ABCC5: variants seen among roughly 807,000 people sequenced by gnomAD.
The protein encoded by ABCC5 is ATP-binding cassette sub-family C member 5.
Under a neutral mutation model 160.9 loss-of-function variants are expected in ABCC5, and 61 were observed. The observed-to-expected ratio is 0.38, with a 90% CI of 0.31 to 0.47. ABCC5 has a LOEUF of 0.47. ABCC5 is among the 20% of genes least tolerant of loss of function. ABCC5 has a pLI of 0.99. For missense variants in ABCC5, 1,308 were observed against 1,813.3 expected, an observed-to-expected ratio of 0.72 and a Z score of 5.06; for synonymous variants, 666 against 700.6, an observed-to-expected ratio of 0.95 and a Z score of 0.78.
rs555686299 is a variant in ABCC5, at chr3:183,999,080, ACT to A, written c.130-9699_130-9698del. 3.1e-3 allele frequency among the ~76,000 whole-genome samples: 427 copies of A among 138,724 alleles called. 2 individuals are homozygous for A. Among genetic ancestry groups the A allele is most frequent in the Middle Eastern group, 0.014 (4 of 278 alleles). 91.0% of individuals were successfully genotyped at this position (138,724 alleles called of 152,430 possible). On this transcript the variant is annotated intron_variant, in intron 2 of 29. Transcript: ENST00000334444. ...ACCGCAGCCTGTGTGACAGAGGGAG[ACT>A]CTGTCTCAAAAAAAAAAAAGAAAAA... is the stretch of plus-strand genomic sequence containing the variant.
chr3:183,959,052 TAC>T (rs59592606), intron 17 of ABCC5, among the ~76,000 whole-genome samples: 2,880 of 148,092 alleles, frequency 0.019, 68 homozygotes, highest in African/African-American at 0.055. Flanking sequence ...ATCTATACAG[TAC>T]ACACACACAC....
At position 183,921,442 on chromosome 3, in the gene ABCC5, C is replaced by A; in HGVS notation, c.4213-41G>T. ...ACGCCGTCAGGACACAGCTCTGGGT[C>A]ATGCAGGGTGATTCAGAGGATCCAC... On this transcript the variant is annotated intron_variant, in intron 29 of 29. Transcript: ENST00000334444. The surrounding 1 kb of genome is among the most constrained non-coding windows in gnomAD (Gnocchi z 4.1). The A allele has an allele frequency of 6.3e-7, 1 of 1,585,744 alleles. No homozygotes were observed. Among genetic ancestry groups the A allele is most frequent in the South Asian group, 1.2e-5 (1 of 86,654 alleles).
intron 17 of ABCC5, among the ~76,000 whole-genome samples, chr3:183,958,286 G>C (rs566366457): frequency 1.3e-5 from 2 of 152,324 alleles, no homozygotes; most frequent in Admixed American, 6.5e-5. Context: ...TCTCACCCAG[G>C]TACTAAGCAT....
intron 2 of ABCC5, among the ~76,000 whole-genome samples, chr3:184,004,213 T>TA (rs11298066): frequency 2.0e-3 from 276 of 141,334 alleles, no homozygotes; most frequent in African/African-American, 4.3e-3. Context: ...AGGCTTTAGC[T>TA]AAAAAAAAAA....
intron 24 of ABCC5, among the ~76,000 whole-genome samples, chr3:183,945,034 T>C (rs1227939987): frequency 1.3e-5 from 2 of 152,198 alleles, no homozygotes; most frequent in Non-Finnish European, 2.9e-5. Context: ...CCCTTCTCTC[T>C]CTCTCCTGCT....
intron 2 of ABCC5, among the ~76,000 whole-genome samples, chr3:184,013,744 G>A (rs1051648308): frequency 1.3e-5 from 2 of 152,168 alleles, no homozygotes; most frequent in African/African-American, 2.4e-5. Flanking sequence ...GTGAAAAAGA[G>A]GAGAATGCTC....
chr3:184,003,656 T>C (rs1404687071), intron 2 of ABCC5, among the ~76,000 whole-genome samples: 1 of 152,174 alleles, frequency 6.6e-6, no homozygotes, highest in South Asian at 2.1e-4. Context: ...AAGCCGATGA[T>C]CAGCTAGCAA....
chr3:184,015,170 T>TA (rs1485151828), intron 1 of ABCC5, among the ~76,000 whole-genome samples: 1 of 152,110 alleles, frequency 6.6e-6, no homozygotes, highest in Non-Finnish European at 1.5e-5. Flanking sequence ...AAGCTGTTAG[T>TA]AAAAAACAAT....
intron 29 of ABCC5, among the ~76,000 whole-genome samples, chr3:183,922,699 C>T (rs1712124527): frequency 6.6e-6 from 1 of 152,194 alleles, no homozygotes; most frequent in South Asian, 2.1e-4. Flanking sequence ...CTTTCTCAGC[C>T]GCCCCCGCCA....
At chr3:183,978,369 C>T in intron 9 of ABCC5, 134 bp downstream of exon 9, 1 of 999,882 alleles carries the variant, frequency 1.0e-6, no homozygotes, top group South Asian at 1.7e-5. Context: ...TGCTCTGTCC[C>T]CCAGGCTGGA....
chr3:183,982,655 C>G lies in ABCC5; in HGVS notation c.826-31G>C, dbSNP rs758557657. 6.2e-7 allele frequency: 1 copy of G among 1,612,172 alleles called. No homozygotes were observed. On this transcript the variant is annotated intron_variant, in intron 6 of 29. Transcript: ENST00000334444. This position sits in a 1 kb window ranked among gnomAD's most constrained non-coding sequence, Gnocchi z 5.2. ...AGATACAAAGAGTAGTGAGGGGACCCTGCAAGGACACGGTTCATTTGTCTC... is the reference window on the plus strand; with the variant it reads ...AGATACAAAGAGTAGTGAGGGGACCGTGCAAGGACACGGTTCATTTGTCTC...
intron 15 of ABCC5, among the ~76,000 whole-genome samples, chr3:183,962,921 G>A (rs1317697909): frequency 6.6e-6 from 1 of 152,160 alleles, no homozygotes; most frequent in East Asian, 1.9e-4. Context: ...ACATAATTAT[G>A]ACTTTCTTTG....
rs1049524324 is a variant in ABCC5 at position 184,017,657 on chromosome 3, G to C, written c.-56+173C>G. Among the ~76,000 whole-genome samples the C allele has an allele frequency of 6.6e-6, 1 of 152,204 alleles. No homozygotes were observed. Among genetic ancestry groups the C allele is most frequent in the Non-Finnish European group, 1.5e-5 (1 of 68,026 alleles). ...CCAGACCCCGGGCTCACAGGCCTAGGAGGCGGCGGCAGGAGACCAGGGGGA... is the reference window on the plus strand; with the variant it reads ...CCAGACCCCGGGCTCACAGGCCTAGCAGGCGGCGGCAGGAGACCAGGGGGA... On this transcript the variant is annotated intron_variant, in intron 1 of 29. Coordinates refer to ENST00000334444, the MANE Select transcript of ABCC5 (RefSeq NM_005688.4). The surrounding 1 kb of genome is among the most constrained non-coding windows in gnomAD (Gnocchi z 4.5).
intron 2 of ABCC5, among the ~76,000 whole-genome samples, chr3:184,009,497 T>C (rs1721516020): frequency 6.6e-6 from 1 of 152,232 alleles, no homozygotes; most frequent in South Asian, 2.1e-4. Context: ...ATCCATTTTA[T>C]ACCATTTATA....
At chr3:183,945,523 G>A (rs1186563433) in intron 24 of ABCC5, among the ~76,000 whole-genome samples, 1 of 152,104 alleles carries the variant, frequency 6.6e-6, no homozygotes, top group Admixed American at 6.6e-5. Context: ...AGAACAATTG[G>A]ACATAGTAAG....
Position 183,980,156 on chromosome 3 carries a change from T to C in ABCC5, c.1148-1505A>G, listed in dbSNP as rs567045018. On this transcript the variant is annotated intron_variant, in intron 8 of 29. Transcript: ENST00000334444. ...TCCCAAAGTGCTGGGATTACAGGCA[T>C]GTACCACTGTACCTGGCAAATACTT... Among the ~76,000 whole-genome samples, 4 of 152,368 alleles carry C rather than the reference T, an allele frequency of 2.6e-5. No homozygotes were observed. In the East Asian group the frequency reaches 5.8e-4, roughly 22 times the overall value.
chr3:183,974,158 G>A (rs1378288306), intron 10 of ABCC5, among the ~76,000 whole-genome samples: 1 of 152,052 alleles, frequency 6.6e-6, no homozygotes, highest in Non-Finnish European at 1.5e-5. Flanking sequence ...TAAACCATAA[G>A]CCTCAACTTT....
intron 8 of ABCC5, 90 bp from the exon 9 acceptor site, chr3:183,978,741 T>C: frequency 6.9e-7 from 1 of 1,442,016 alleles, no homozygotes; most frequent in Non-Finnish European, 9.4e-7. Flanking sequence ...TCTGTAGGTC[T>C]CCAGCCACCC....
chr3:183,992,976 T>G (rs1443574798), intron 2 of ABCC5, among the ~76,000 whole-genome samples: 3 of 152,176 alleles, frequency 2.0e-5, no homozygotes, highest in African/African-American at 7.2e-5. Context: ...CTCCACAAAA[T>G]GTTGACACAA....
Sources: allele counts gnomAD v4.1 joint callset (sites outside exome capture counted in the v4.1 genomes callset), GRCh38; gene constraint gnomAD v4.1.1; non-coding constraint Gnocchi (gnomAD v3.1); transcripts MANE v1.5; gene names NCBI Gene and HGNC (gene_info 2026-07-23, HGNC 2026-07-21).